The following SLC9A1 variants were observed in gnomAD, a reference collection of about 807,000 sequenced individuals.
The protein encoded by SLC9A1 is solute carrier family 9 member A1.
A neutral mutation model predicts 67.9 loss-of-function variants in SLC9A1; 22 were observed. That is an observed-to-expected ratio of 0.32 (90% CI 0.23 to 0.46). The LOEUF (loss-of-function observed/expected upper bound fraction) is 0.46. Ranked by LOEUF, SLC9A1 falls within the 20% of genes least tolerant of loss-of-function variation. The probability of loss-of-function intolerance (pLI) is 1.00; values close to 1 mark genes in which losing one functional copy is unlikely to be tolerated. For missense variants in SLC9A1, 686 were observed against 1,094.8 expected, an observed-to-expected ratio of 0.63 and a Z score of 5.27; for synonymous variants, 421 against 471.8, an observed-to-expected ratio of 0.89 and a Z score of 1.40.
In SLC9A1 at chr1:27,155,109, C is replaced by T. The variant is rs1386095780; in HGVS notation, c.-775G>A. Among the ~76,000 whole-genome samples the T allele has an allele frequency of 6.6e-6, 1 of 152,074 alleles. No individual in the cohort carries two copies. Among genetic ancestry groups the T allele is most frequent in the African/African-American group, 2.4e-5 (1 of 41,430 alleles). On this transcript the variant is annotated 5_prime_UTR_variant, in exon 1 of 12. Coordinates refer to ENST00000263980, the MANE Select transcript of SLC9A1 (RefSeq NM_003047.5). The surrounding 1 kb of genome is among the most constrained non-coding windows in gnomAD (Gnocchi z 4.5). Reference sequence around the variant, plus strand: ...CTCCAGAACTAACCCTAGCCCCGGCCCCGGCGGCAGCAGACTGAAGCCTAG... The same window carrying T: ...CTCCAGAACTAACCCTAGCCCCGGCTCCGGCGGCAGCAGACTGAAGCCTAG...
chr1:27,139,761 C>T (rs1570881836), intron 1 of SLC9A1, among the ~76,000 whole-genome samples: 1 of 151,748 alleles, frequency 6.6e-6, no homozygotes, highest in Non-Finnish European at 1.5e-5. Flanking sequence ...TGCCCTTCTC[C>T]AGTTCTCCCC....
At chr1:27,123,444 T>C (rs2083318645) in intron 1 of SLC9A1, among the ~76,000 whole-genome samples, 1 of 152,206 alleles carries the variant, frequency 6.6e-6, no homozygotes, top group Admixed American at 6.5e-5. Flanking sequence ...AGGCATCTCA[T>C]TTAATTCTCT....
At chr1:27,145,059 A>G (rs2083476426) in intron 1 of SLC9A1, among the ~76,000 whole-genome samples, 1 of 151,832 alleles carries the variant, frequency 6.6e-6, no homozygotes, top group Admixed American at 6.6e-5. Context: ...CCATCTCAAA[A>G]AAAAAGGAAA....
Position 27,109,137 on chromosome 1 carries a change from C to A in SLC9A1, c.1064+390G>T, listed in dbSNP as rs926240422. ...CCTGGTGAGCCTCCTACTGGGGCTG[C>A]TGAGGGGACTCCCTTTGAGACAATG... On this transcript the variant is annotated intron_variant, in intron 3 of 11. Transcript: ENST00000263980. This position sits in a 1 kb window ranked among gnomAD's most constrained non-coding sequence, Gnocchi z 5.5. Among the ~76,000 whole-genome samples the A allele has an allele frequency of 6.6e-6, 1 of 152,114 alleles. No homozygotes were observed. Among genetic ancestry groups the A allele is most frequent in the African/African-American group, 2.4e-5 (1 of 41,428 alleles).
At chr1:27,152,197 C>T (rs1172099481) in intron 1 of SLC9A1, among the ~76,000 whole-genome samples, 1 of 152,154 alleles carries the variant, frequency 6.6e-6, no homozygotes, top group Non-Finnish European at 1.5e-5. Flanking sequence ...CAGGCCAGGC[C>T]AAGCTGACCT....
chr1:27,153,738 C>CA (rs1195561855), intron 1 of SLC9A1, among the ~76,000 whole-genome samples: 1 of 152,222 alleles, frequency 6.6e-6, no homozygotes, highest in East Asian at 1.9e-4. Context: ...GGATCAGAGG[C>CA]ATCCCATTCT....
At chr1:27,147,317 A>AAAAAG (rs1557436767) in intron 1 of SLC9A1, among the ~76,000 whole-genome samples, 3 of 148,714 alleles carry the variant, frequency 2.0e-5, no homozygotes, top group African/African-American at 2.5e-5. Flanking sequence ...AAAAAAAAAA[A>AAAAAG]AAAAGAAAAG....
intron 1 of SLC9A1, among the ~76,000 whole-genome samples, chr1:27,133,864 A>G (rs557296257): frequency 6.6e-6 from 1 of 151,352 alleles, no homozygotes; most frequent in South Asian, 2.1e-4. Context: ...GCCCCAGTTC[A>G]AGCAATTCTC....
At chr1:27,119,245 C>G (rs1230135015) in intron 1 of SLC9A1, among the ~76,000 whole-genome samples, 2 of 152,144 alleles carry the variant, frequency 1.3e-5, no homozygotes, top group Non-Finnish European at 2.9e-5. Flanking sequence ...CCGACATCAC[C>G]CTGGGTTGCC....
chr1:27,134,441 C>A (rs1321023175), intron 1 of SLC9A1, among the ~76,000 whole-genome samples: 2 of 152,188 alleles, frequency 1.3e-5, no homozygotes, highest in African/African-American at 4.8e-5. Flanking sequence ...CTCATGGTAT[C>A]TCTCCGAGGG....
At chr1:27,136,936 A>ATTGAATGC (rs1261383621) in intron 1 of SLC9A1, among the ~76,000 whole-genome samples, 1 of 152,052 alleles carries the variant, frequency 6.6e-6, no homozygotes, top group Non-Finnish European at 1.5e-5. Flanking sequence ...AAGAGCCCAC[A>ATTGAATGC]CTTCTCTGCA....
At position 27,105,986 on chromosome 1, in the gene SLC9A1, C is replaced by T. The variant is rs1386471890; in HGVS notation, c.1384G>A (p.Ala462Thr). 2 of 1,613,546 alleles carry T rather than the reference C, an allele frequency of 1.2e-6. No individual in the cohort carries two copies. The highest frequency in any genetic ancestry group is 1.7e-5 in the Admixed American group (1 of 60,012). ...TCCAGGAGGTAGCCCAGAGAGAAGGCGATGGCCCCTCGCAGGCCCCCATAG... is the reference window on the plus strand; with the variant it reads ...TCCAGGAGGTAGCCCAGAGAGAAGGTGATGGCCCCTCGCAGGCCCCCATAG... ...IAYGGLRGAI[A>T]FSLGYLLDKK... The change falls in exon 5 of 12, where the codon GCC (alanine) becomes ACC (threonine). Residue 462 changes from alanine (A) to threonine (T), a missense_variant. This residue lies in a region of SLC9A1 where 168 missense variants were observed against 375.4 expected (regional missense o/e 0.45). Transcript: ENST00000263980.
At position 27,102,734 on chromosome 1, in the gene SLC9A1, G is replaced by A. The variant is rs745927136; in HGVS notation, c.1585C>T (p.His529Tyr). The A allele has an allele frequency of 9.9e-6, 16 of 1,613,658 alleles. No homozygotes were observed. The Admixed American group carries it at 2.5e-4, about 25-fold the overall frequency. Residue 529 changes from histidine (H) to tyrosine (Y), a missense_variant, in exon 7 of 12, where the codon CAC becomes TAC. Transcript: ENST00000263980. ...ATGTCTTCGATGCCTGTCAGAAGGT[G>A]GTCCAGGAACTGAAAGGGGCCCAGG... ...NEEIHTQFLD[H>Y]LLTGIEDICG...
chr1:27,111,314 C>T (rs2083226259), intron 2 of SLC9A1, among the ~76,000 whole-genome samples: 1 of 152,164 alleles, frequency 6.6e-6, no homozygotes, highest in Non-Finnish European at 1.5e-5. Flanking sequence ...GGTGCTATTA[C>T]CCCTGGAACT....
At position 27,137,214 on chromosome 1, in the gene SLC9A1, G is replaced by A. The variant is rs2083425640; in HGVS notation, c.352+16769C>T. Among the ~76,000 whole-genome samples the A allele has an allele frequency of 6.6e-6, 1 of 152,260 alleles. No individual in the cohort carries two copies. The highest frequency in any genetic ancestry group is 1.5e-5 in the Non-Finnish European group (1 of 68,044). On this transcript the variant is annotated intron_variant, in intron 1 of 11. Coordinates refer to ENST00000263980, the MANE Select transcript of SLC9A1 (RefSeq NM_003047.5). This position sits in a 1 kb window ranked among gnomAD's most constrained non-coding sequence, Gnocchi z 4.6. ...CATGGTAGGTGCTCAGAGGCAGGCTGAAAAGAAAGTGGGACAGGCAGGAGG... is the reference window on the plus strand; with the variant it reads ...CATGGTAGGTGCTCAGAGGCAGGCTAAAAAGAAAGTGGGACAGGCAGGAGG...
At chr1:27,151,076 T>A (rs6696710) in intron 1 of SLC9A1, among the ~76,000 whole-genome samples, 1 of 151,916 alleles carries the variant, frequency 6.6e-6, no homozygotes, top group Admixed American at 6.5e-5. Flanking sequence ...CCTCCCGCCA[T>A]GACCAGCTCA....
chr1:27,117,202 G>A (rs967439724), intron 1 of SLC9A1, among the ~76,000 whole-genome samples: 8 of 152,226 alleles, frequency 5.3e-5, no homozygotes, highest in Admixed American at 5.2e-4. Context: ...GACAGGCACA[G>A]CGCAGCGGAG....
intron 5 of SLC9A1, chr1:27,105,509 G>T (rs965285587): frequency 4.5e-5 from 26 of 583,342 alleles, no homozygotes; most frequent in Middle Eastern, 4.6e-4. Flanking sequence ...TGTTAGTCAG[G>T]CTGGTCTCAA....
chr1:27,135,791 C>T (rs1307223358), intron 1 of SLC9A1, among the ~76,000 whole-genome samples: 1 of 152,224 alleles, frequency 6.6e-6, no homozygotes, highest in Non-Finnish European at 1.5e-5. Context: ...GAACAAACCT[C>T]TGGTACATGT....
Sources: allele counts gnomAD v4.1 joint callset (sites outside exome capture counted in the v4.1 genomes callset), GRCh38; gene constraint gnomAD v4.1.1; regional missense constraint gnomAD v4.1.1; non-coding constraint Gnocchi (gnomAD v3.1); transcripts MANE v1.5; gene names NCBI Gene and HGNC (gene_info 2026-07-23, HGNC 2026-07-21).